IPMK: variants seen among roughly 807,000 people sequenced by gnomAD.
The protein encoded by IPMK is inositol 1,3,4,6-tetrakisphosphate 5-kinase.
IPMK carries 17 observed loss-of-function variants against 45.8 expected under a neutral mutation model. The ratio of observed to expected loss-of-function variants is 0.37; its 90% CI spans 0.25 to 0.56. The LOEUF (loss-of-function observed/expected upper bound fraction) is 0.56. Ranked by LOEUF, IPMK falls within the 20% of genes least tolerant of loss-of-function variation. The probability of loss-of-function intolerance (pLI) is 0.79; values close to 1 mark genes in which losing one functional copy is unlikely to be tolerated. For synonymous variants in IPMK, 180 were observed against 184.3 expected (o/e 0.98, Z 0.19); for missense variants, 399 against 498.0 (o/e 0.80, Z 1.89).
At position 58,192,239 on chromosome 10, in the gene IPMK, A is replaced by T. The variant is rs1837828693; in HGVS notation, c.*3837T>A. The T allele has an allele frequency of 6.6e-6, 1 of 152,046 alleles. No individual in the cohort carries two copies. The highest frequency in any genetic ancestry group is 2.4e-5 in the African/African-American group (1 of 41,446). 9.4% of individuals were successfully genotyped at this position (152,046 alleles called of 1,614,324 possible). A position where few individuals can be genotyped will look rare whatever the true frequency, so the allele number is the denominator to read the frequency against. On this transcript the variant is annotated 3_prime_UTR_variant, in exon 6 of 6. Transcript: ENST00000373935. ...CATTGCCAAATTTAAAATACCAGTG[A>T]TGTTAAGATTGAGGCCTAAAACTGT...
intron 1 of IPMK, among the ~76,000 whole-genome samples, chr10:58,243,516 C>G (rs192937113): frequency 6.6e-6 from 1 of 152,134 alleles, no homozygotes; most frequent in African/African-American, 2.4e-5. Flanking sequence ...ATTCCAGGCA[C>G]GTGCCGCCAC....
chr10:58,237,986 C>T (rs971771919), intron 1 of IPMK, among the ~76,000 whole-genome samples, 172 bp from the exon 2 acceptor site: 3 of 152,210 alleles, frequency 2.0e-5, no homozygotes, highest in African/African-American at 7.2e-5. Flanking sequence ...GTACTTATTA[C>T]AGCAAAGCAC....
At chr10:58,201,541 C>G (rs1050398172) in intron 4 of IPMK, among the ~76,000 whole-genome samples, 1 of 152,174 alleles carries the variant, frequency 6.6e-6, no homozygotes, top group Non-Finnish European at 1.5e-5. Flanking sequence ...CCCCATCTCT[C>G]TTCCTCTCTT....
At position 58,193,563 on chromosome 10, in the gene IPMK, T is replaced by C. The variant is rs1442345484; in HGVS notation, c.*2513A>G. ...AATTAATGTAAATATTATAAAACTA[T>C]TATACAATTTAAATTTTTATTAGAG... is the stretch of plus-strand genomic sequence containing the variant. On this transcript the variant is annotated 3_prime_UTR_variant, in exon 6 of 6. Transcript: ENST00000373935. The C allele has an allele frequency of 2.6e-5, 4 of 151,930 alleles. No individual in the cohort carries two copies. Among genetic ancestry groups the C allele is most frequent in the Non-Finnish European group, 4.4e-5 (3 of 67,748 alleles). 9.4% of individuals were successfully genotyped at this position (151,930 alleles called of 1,614,324 possible).
rs60186414 is a variant in IPMK, at chr10:58,221,363, AT to A, written c.374-5047del. Among the ~76,000 whole-genome samples, 1,460 of 146,414 alleles carry A rather than the reference AT, an allele frequency of 1.0e-2. 15 individuals are homozygous for A. The highest frequency in any genetic ancestry group is 0.027 in the African/African-American group (1,098 of 40,612). On this transcript the variant is annotated intron_variant, in intron 3 of 5. Coordinates refer to ENST00000373935, the MANE Select transcript of IPMK (RefSeq NM_152230.5). The stretch of plus-strand genomic sequence containing the variant: ...CATCATCCATAAGCTCAGCTTGCCT[AT>A]TTTTTTTTTTTTAAATTCTGAAGAA...
chr10:58,235,514 C>T (rs1838596906), intron 2 of IPMK, among the ~76,000 whole-genome samples: 1 of 152,110 alleles, frequency 6.6e-6, no homozygotes, highest in Admixed American at 6.5e-5. Flanking sequence ...ATGTCCTTTG[C>T]AGGGACATGG....
intron 1 of IPMK, among the ~76,000 whole-genome samples, chr10:58,266,086 T>A (rs1263326380): frequency 6.6e-6 from 1 of 152,198 alleles, no homozygotes; most frequent in South Asian, 2.1e-4. Context: ...GGAGGAAATG[T>A]CTATGCTGAG....
chr10:58,199,743 G>A (rs1003796608), intron 4 of IPMK, among the ~76,000 whole-genome samples: 1 of 151,848 alleles, frequency 6.6e-6, no homozygotes, highest in Non-Finnish European at 1.5e-5. Context: ...AGAAATTAGA[G>A]GTATAATAAT....
chr10:58,199,207 C>T, intron 5 of IPMK, 33 bp downstream of exon 5: 1 of 1,327,520 alleles, frequency 7.5e-7, no homozygotes, highest in Non-Finnish European at 1.1e-6. Context: ...TTTAACTGTT[C>T]AATCATAAAA....
rs912709520 is a variant in IPMK at position 58,267,492 on chromosome 10, G to A, written c.120C>T (p.Leu40=). The A allele has an allele frequency of 6.2e-7, 1 of 1,613,654 alleles. No individual in the cohort carries two copies. Among genetic ancestry groups the A allele is most frequent in the East Asian group, 2.2e-5 (1 of 44,858 alleles). The change falls in exon 1 of 6, where the codon CTC becomes CTT. Residue 40 remains leucine (L), a synonymous_variant. Coordinates refer to ENST00000373935, the MANE Select transcript of IPMK (RefSeq NM_152230.5). ...EGTPQPAGGR[L]RFLNGCVPLS... ...GGGGCACGCAGCCGTTGAGGAAGCG[G>A]AGTCTGCCGCCCGCCGGCTGCGGGG...
At chr10:58,204,233 G>GA (rs1202125087) in intron 4 of IPMK, among the ~76,000 whole-genome samples, 1 of 151,912 alleles carries the variant, frequency 6.6e-6, no homozygotes, top group East Asian at 1.9e-4. Flanking sequence ...TGGTAGCAAA[G>GA]ATATTTGTAA....
At chr10:58,217,688 C>CAAAAAAAAAAAAAAAAAAAA (rs11393849) in intron 3 of IPMK, among the ~76,000 whole-genome samples, 4 of 49,262 alleles carry the variant, frequency 8.1e-5, no homozygotes, top group East Asian at 7.0e-4. Flanking sequence ...AACTCCATCT[C>CAAAAAAAAAAAAAAAAAAAA]AAAAAAAAAA....
At chr10:58,230,466 G>A (rs1030948380) in intron 2 of IPMK, among the ~76,000 whole-genome samples, 1 of 152,168 alleles carries the variant, frequency 6.6e-6, no homozygotes, top group African/African-American at 2.4e-5. Flanking sequence ...GGAAGGATCA[G>A]GCAGCAATAT....
chr10:58,243,390 T>C (rs534650505), intron 1 of IPMK, among the ~76,000 whole-genome samples: 249 of 152,356 alleles, frequency 1.6e-3, no homozygotes, highest in Middle Eastern at 6.8e-3. Context: ...TCTCCCTCTT[T>C]CTACGGTCTC....
chr10:58,211,527 A>G (rs1838159182), intron 4 of IPMK, among the ~76,000 whole-genome samples: 2 of 152,132 alleles, frequency 1.3e-5, no homozygotes, highest in African/African-American at 4.8e-5. Flanking sequence ...AACTGGTTAC[A>G]TGGTGATTCC....
rs779968480 is a variant in IPMK at position 58,199,204 on chromosome 10, G to A, written c.628+36C>T. 1.6e-5 allele frequency: 21 copies of A among 1,298,562 alleles called. No homozygotes were observed. The East Asian group carries it at 4.7e-4, about 29-fold the overall frequency. 80.4% of individuals were successfully genotyped at this position (1,298,562 alleles called of 1,614,324 possible). ...AAATAACTTTAGAAGTCTTTTAACT[G>A]TTCAATCATAAAAGCATTAGTTTTT... On this transcript the variant is annotated intron_variant, in intron 5 of 5. Transcript: ENST00000373935.
At chr10:58,235,393 A>G (rs1173169336) in intron 2 of IPMK, among the ~76,000 whole-genome samples, 1 of 152,236 alleles carries the variant, frequency 6.6e-6, no homozygotes, top group African/African-American at 2.4e-5. Context: ...ACTATTCACA[A>G]TAGCAAAGAC....
chr10:58,196,190 T>C lies in IPMK; in HGVS notation c.1137A>G (p.Val379=). 6.2e-7 allele frequency: 1 copy of C among 1,614,148 alleles called. No individual in the cohort carries two copies. The highest frequency in any genetic ancestry group is 8.5e-7 in the Non-Finnish European group (1 of 1,179,998). ...LPTGCQEIAE[V]EVRMIDFAHV... ...GAGCAAAATCTATCATTCGCACTTC[T>C]ACTTCAGCAATCTCTTGGCAACCAG... Residue 379 remains valine (V), a synonymous_variant, in exon 6 of 6, where the codon GTA becomes GTG. Transcript: ENST00000373935.
At chr10:58,222,912 T>C (rs1838358584) in intron 3 of IPMK, among the ~76,000 whole-genome samples, 2 of 152,192 alleles carry the variant, frequency 1.3e-5, no homozygotes, top group Non-Finnish European at 2.9e-5. Context: ...AAACCAAACA[T>C]CATATGTTCT....
Sources: allele counts gnomAD v4.1 joint callset (sites outside exome capture counted in the v4.1 genomes callset), GRCh38; gene constraint gnomAD v4.1.1; transcripts MANE v1.5; gene names NCBI Gene and HGNC (gene_info 2026-07-23, HGNC 2026-07-21).